Variants in ZNF652 observed in about 807,000 individuals in gnomAD.
ZNF652 encodes zinc finger protein 652.
A neutral mutation model predicts 45.2 loss-of-function variants in ZNF652; 16 were observed. The ratio of observed to expected loss-of-function variants is 0.35; its 90% CI spans 0.24 to 0.54. The LOEUF (loss-of-function observed/expected upper bound fraction) is 0.54, where lower values mean the gene tolerates loss of function less well. ZNF652 is among the 20% of genes least tolerant of loss of function. The probability of loss-of-function intolerance (pLI) is 0.91; values close to 1 mark genes in which losing one functional copy is unlikely to be tolerated. For missense variants in ZNF652, 614 were observed against 765.6 expected (o/e 0.80, Z 2.34); for synonymous variants, 250 against 260.6 (o/e 0.96, Z 0.39).
At chr17:49,339,197 A>AT (rs34574898) in intron 1 of ZNF652, among the ~76,000 whole-genome samples, 3,906 of 119,276 alleles carry the variant, frequency 0.033, 244 homozygotes, top group African/African-American at 0.1. Flanking sequence ...GAGTTAGGAA[A>AT]TTTTTTTTTT....
rs955622288 is a variant in ZNF652, at chr17:49,291,753, G to A, written c.*6660C>T. 6.6e-6 allele frequency: 1 copy of A among 152,152 alleles called. No individual in the cohort carries two copies. The highest frequency in any genetic ancestry group is 6.5e-5 in the Admixed American group (1 of 15,276). The allele number at this position is 152,152 out of a possible 1,614,324, so 9.4% of individuals were successfully genotyped here. A position where few individuals can be genotyped will look rare whatever the true frequency, so the allele number is the denominator to read the frequency against. ...TACTAAGTTACTAGTTACTATCCAA[G>A]AGGCAAACTTCTAGATCAATAATGA... On this transcript the variant is annotated 3_prime_UTR_variant, in exon 6 of 6. Coordinates refer to ENST00000430262, the MANE Select transcript of ZNF652 (RefSeq NM_001145365.3).
chr17:49,359,307 A>G (rs1457822680), intron 1 of ZNF652, among the ~76,000 whole-genome samples: 1 of 152,234 alleles, frequency 6.6e-6, no homozygotes, highest in African/African-American at 2.4e-5. Flanking sequence ...GATAATAAAA[A>G]AGGCAATATT....
At chr17:49,340,153 G>T (rs534235339) in intron 1 of ZNF652, among the ~76,000 whole-genome samples, 1 of 152,150 alleles carries the variant, frequency 6.6e-6, no homozygotes, top group Non-Finnish European at 1.5e-5. Context: ...AGTGAATCAC[G>T]CCTGTAATCC....
intron 5 of ZNF652, among the ~76,000 whole-genome samples, chr17:49,304,055 ATTTTTT>A (rs58790188): frequency 1.7e-5 from 2 of 117,398 alleles, no homozygotes; most frequent in East Asian, 2.5e-4. Context: ...TGCCTGGCTA[ATTTTTT>A]TTTTTTTTTT....
chr17:49,345,833 T>A (rs1416210776), intron 1 of ZNF652, among the ~76,000 whole-genome samples: 1 of 124,550 alleles, frequency 8.0e-6, no homozygotes. Flanking sequence ...AGAGCGAGAC[T>A]CCATCTCAAA....
At chr17:49,304,900 A>T (rs2143730419) in intron 5 of ZNF652, among the ~76,000 whole-genome samples, 1 of 151,682 alleles carries the variant, frequency 6.6e-6, no homozygotes, top group Admixed American at 6.6e-5. Flanking sequence ...ATATATACAC[A>T]CACACATACA....
At chr17:49,307,586 C>CAA (rs35063586) in intron 5 of ZNF652, among the ~76,000 whole-genome samples, 2,843 of 123,512 alleles carry the variant, frequency 0.023, 101 homozygotes, top group African/African-American at 0.074. Flanking sequence ...ACTAAAAATA[C>CAA]AAAAAAAAAA....
chr17:49,294,578 C>G lies in ZNF652; in HGVS notation c.*3835G>C, dbSNP rs2069446569. The G allele has an allele frequency of 6.6e-6, 1 of 152,186 alleles. No individual in the cohort carries two copies. The highest frequency in any genetic ancestry group is 6.5e-5 in the Admixed American group (1 of 15,284). The allele number at this position is 152,186 out of a possible 1,614,324, so 9.4% of individuals were successfully genotyped here. ...TATCTGACTCAATTTGAGAAAGCAG[C>G]AGCCTTTATTAAGGCTAAGGAAGAG... On this transcript the variant is annotated 3_prime_UTR_variant, in exon 6 of 6. Transcript: ENST00000430262.
intron 5 of ZNF652, among the ~76,000 whole-genome samples, chr17:49,311,087 C>A (rs552213993): frequency 6.6e-6 from 1 of 152,216 alleles, no homozygotes; most frequent in South Asian, 2.1e-4. Context: ...TAAAAGAGCT[C>A]AAAGTAAAAA....
intron 1 of ZNF652, among the ~76,000 whole-genome samples, chr17:49,359,599 T>G (rs1034323007): frequency 6.6e-6 from 1 of 152,104 alleles, no homozygotes; most frequent in African/African-American, 2.4e-5. Context: ...TCCAACACTA[T>G]CACAAGCTGG....
At chr17:49,344,071 G>A (rs1326309794) in intron 1 of ZNF652, among the ~76,000 whole-genome samples, 8 of 151,968 alleles carry the variant, frequency 5.3e-5, no homozygotes, top group South Asian at 4.2e-4. Context: ...TGTGGTGGCG[G>A]GCGCCTGTAG....
rs566033516 is a variant in ZNF652 at position 49,355,670 on chromosome 17, C to T, written c.-259+6239G>A. The stretch of plus-strand genomic sequence containing the variant: ...ATCCCAGCACTTTGGGAGGCCGAGG[C>T]GGGCAGATCACGAGGTCAGGAGTTC... On this transcript the variant is annotated intron_variant, in intron 1 of 5. Transcript: ENST00000430262. Among the ~76,000 whole-genome samples the T allele has an allele frequency of 1.2e-4, 18 of 152,072 alleles. No homozygotes were observed. The South Asian group carries it at 2.1e-3, about 18-fold the overall frequency.
At chr17:49,304,454 A>G (rs967958777) in intron 5 of ZNF652, among the ~76,000 whole-genome samples, 3 of 152,170 alleles carry the variant, frequency 2.0e-5, no homozygotes, top group African/African-American at 7.2e-5. Context: ...GTTGATATTA[A>G]GGTTTCTCTG....
At chr17:49,326,451 C>T (rs2069957748) in intron 1 of ZNF652, among the ~76,000 whole-genome samples, 1 of 152,010 alleles carries the variant, frequency 6.6e-6, no homozygotes. Flanking sequence ...AGAAAGTAGG[C>T]TAGGAAAGGT....
Position 49,295,655 on chromosome 17 carries a change from G to A in ZNF652, c.*2758C>T, listed in dbSNP as rs889557145. The A allele has an allele frequency of 6.6e-6, 1 of 152,164 alleles. No individual in the cohort carries two copies. The highest frequency in any genetic ancestry group is 2.4e-5 in the African/African-American group (1 of 41,404). 9.4% of individuals were successfully genotyped at this position (152,164 alleles called of 1,614,324 possible). A position where few individuals can be genotyped will look rare whatever the true frequency, so the allele number is the denominator to read the frequency against. ...TGTAAATTTATTCAGAACAAAATAA[G>A]GCAGTTGGACGTGGTGGCTCACGCC... On this transcript the variant is annotated 3_prime_UTR_variant, in exon 6 of 6. Transcript: ENST00000430262.
At chr17:49,335,303 G>A (rs1381040103) in intron 1 of ZNF652, among the ~76,000 whole-genome samples, 1 of 152,116 alleles carries the variant, frequency 6.6e-6, no homozygotes, top group Non-Finnish European at 1.5e-5. Flanking sequence ...AACAGATCTG[G>A]ATAGGCTCTA....
intron 1 of ZNF652, among the ~76,000 whole-genome samples, chr17:49,325,912 T>G (rs2069951331): frequency 6.6e-6 from 1 of 152,188 alleles, no homozygotes; most frequent in African/African-American, 2.4e-5. Context: ...ATTTTTGTTT[T>G]TATTAGTGCA....
At chr17:49,338,870 A>T (rs2070112665) in intron 1 of ZNF652, among the ~76,000 whole-genome samples, 1 of 152,234 alleles carries the variant, frequency 6.6e-6, no homozygotes, top group South Asian at 2.1e-4. Context: ...GTGAGGTAAA[A>T]CAAAAACACT....
intron 1 of ZNF652, among the ~76,000 whole-genome samples, chr17:49,334,267 G>A (rs1233046371): frequency 6.6e-6 from 1 of 152,144 alleles, no homozygotes; most frequent in African/African-American, 2.4e-5. Context: ...GATCACTTGA[G>A]CCCAGGAGTT....
Sources: gnomAD v4.1 joint callset for allele counts (sites outside exome capture counted in the v4.1 genomes callset) on GRCh38, gnomAD v4.1.1 for gene constraint, MANE v1.5 for transcripts, NCBI Gene and HGNC (gene_info 2026-07-23, HGNC 2026-07-21) for gene names.